Variants in KIF1B observed in about 807,000 individuals in gnomAD.
KIF1B encodes kinesin-like protein KIF1B.
Under a neutral mutation model 241.9 loss-of-function variants are expected in KIF1B, and 76 were observed. The ratio of observed to expected loss-of-function variants is 0.31; its 90% CI spans 0.26 to 0.38. KIF1B has a LOEUF of 0.38. Among genes scored for constraint, KIF1B ranks in the 10% least tolerant of loss-of-function variants. The pLI is 1.00. For missense variants in KIF1B, 1,622 were observed against 2,271.4 expected (o/e 0.71, Z 5.81); for synonymous variants, 750 against 796.7 (o/e 0.94, Z 0.99).
At chr1:10,270,768 C>CA (rs1218842795) in intron 7 of KIF1B, among the ~76,000 whole-genome samples, 2 of 151,028 alleles carry the variant, frequency 1.3e-5, no homozygotes, top group Admixed American at 6.6e-5. Context: ...ACTAAAAATA[C>CA]AAAAAAAATT....
intron 32 of KIF1B, among the ~76,000 whole-genome samples, chr1:10,341,604 A>C (rs764654127): frequency 1.3e-5 from 2 of 152,352 alleles, no homozygotes; most frequent in Non-Finnish European, 2.9e-5. Context: ...TAAAAACAAC[A>C]TAGGGGATCC....
rs764466176 is a variant in KIF1B at position 10,303,722 on chromosome 1, T to C, written c.2115+6476T>C. On this transcript the variant is annotated intron_variant, in intron 22 of 48. Transcript: ENST00000676179. This position sits in a 1 kb window ranked among gnomAD's most constrained non-coding sequence, Gnocchi z 5.2. ...AACATGAAAGACGAGGAGATAAAAG[T>C]CTTAAGAAATAAAATGCTCAAAATG... 27 of 1,613,956 alleles carry C rather than the reference T, an allele frequency of 1.7e-5. No individual in the cohort carries two copies. Among genetic ancestry groups the C allele is most frequent in the Non-Finnish European group, 2.2e-5 (26 of 1,180,000 alleles).
intron 1 of KIF1B, among the ~76,000 whole-genome samples, chr1:10,219,251 G>A (rs892479434): frequency 8.6e-5 from 13 of 150,640 alleles, no homozygotes; most frequent in African/African-American, 2.7e-4. Context: ...CACTGAGGTT[G>A]GGAGTTTGAG....
chr1:10,293,540 A>G (rs959283197), intron 17 of KIF1B, among the ~76,000 whole-genome samples: 1 of 151,864 alleles, frequency 6.6e-6, no homozygotes, highest in East Asian at 1.9e-4. Context: ...GACTGCAGGC[A>G]CATGCCACCA....
intron 5 of KIF1B, among the ~76,000 whole-genome samples, chr1:10,265,585 C>T (rs1188448601): frequency 6.6e-6 from 1 of 152,126 alleles, no homozygotes; most frequent in African/African-American, 2.4e-5. Flanking sequence ...TGGCTCACAC[C>T]TGTAATCCCT....
chr1:10,374,404 G>A lies in KIF1B; in HGVS notation c.5035G>A (p.Ala1679Thr), dbSNP rs771834495. 1 of 1,614,142 alleles carries A rather than the reference G, an allele frequency of 6.2e-7. No individual in the cohort carries two copies. The highest frequency in any genetic ancestry group is 8.5e-7 in the Non-Finnish European group (1 of 1,180,024). ...IVPAVETPYL[A>T]RAGKNEFLNL... ...CCCAGCTGTGGAAACACCATATTTG[G>A]CCCGAGCAGGAAAAAACGAATTTCT... The change falls in exon 46 of 49, where the codon GCC becomes ACC. Residue 1679 changes from alanine (A) to threonine (T), a missense_variant. Ala to Thr is a moderately conservative substitution (Grantham distance 58). Coordinates refer to ENST00000676179, the MANE Select transcript of KIF1B (RefSeq NM_001365951.3). The surrounding 1 kb of genome is among the most constrained non-coding windows in gnomAD (Gnocchi z 4.3).
intron 38 of KIF1B, among the ~76,000 whole-genome samples, chr1:10,354,825 G>A (rs543619309): frequency 7.9e-4 from 121 of 152,274 alleles, no homozygotes; most frequent in African/African-American, 2.7e-3. Flanking sequence ...GGAAAACATA[G>A]GTTAATATGG....
intron 2 of KIF1B, among the ~76,000 whole-genome samples, chr1:10,236,727 G>A (rs1006279038): frequency 4.0e-5 from 6 of 151,776 alleles, no homozygotes; most frequent in African/African-American, 1.5e-4. Context: ...GCCTTCTATG[G>A]CAATTTCTTA....
chr1:10,231,412 G>A (rs1032419287), intron 1 of KIF1B, among the ~76,000 whole-genome samples: 2 of 102,260 alleles, frequency 2.0e-5, no homozygotes, highest in African/African-American at 8.0e-5. Flanking sequence ...GTGAGATGGT[G>A]TCTTGCTTTG....
At chr1:10,236,307 A>ACAACC (rs1557655415) in intron 2 of KIF1B, among the ~76,000 whole-genome samples, 11 of 151,774 alleles carry the variant, frequency 7.2e-5, no homozygotes, top group Admixed American at 5.3e-4. Flanking sequence ...CAACAACAAA[A>ACAACC]ACCCATATAG....
At chr1:10,276,694 G>A (rs1649127443) in intron 12 of KIF1B, among the ~76,000 whole-genome samples, 1 of 152,144 alleles carries the variant, frequency 6.6e-6, no homozygotes, top group Non-Finnish European at 1.5e-5. Flanking sequence ...GCTCAAGTGA[G>A]ATTTTTGGGT....
chr1:10,331,781 C>T (rs1391474432), intron 27 of KIF1B, among the ~76,000 whole-genome samples: 1 of 152,178 alleles, frequency 6.6e-6, no homozygotes, highest in African/African-American at 2.4e-5. Context: ...AATGGGAAGA[C>T]TGGAATCATA....
At chr1:10,370,643 AAATAAT>A (rs200343928) in intron 44 of KIF1B, among the ~76,000 whole-genome samples, 51 of 147,964 alleles carry the variant, frequency 3.4e-4, no homozygotes, top group Admixed American at 1.0e-3. Context: ...TCGAGAAAGA[AAATAAT>A]AATAATAATA....
At chr1:10,372,704 A>G (rs1266576670) in intron 45 of KIF1B, among the ~76,000 whole-genome samples, 1 of 135,706 alleles carries the variant, frequency 7.4e-6, no homozygotes. Context: ...ATCTCGGCTC[A>G]CTGCAAGCTC....
At position 10,336,712 on chromosome 1, in the gene KIF1B, A is replaced by C; in HGVS notation, c.3099A>C (p.Lys1033Asn). The change falls in exon 29 of 49, where the codon AAA becomes AAC. Residue 1033 changes from lysine to asparagine, a missense_variant. Coordinates refer to ENST00000676179, the MANE Select transcript of KIF1B (RefSeq NM_001365951.3). ...GAATTCGACAGTCAGGAACAGCTAA[A>C]ATATCTTTTGATAATGAATACTTTA... is the stretch of plus-strand genomic sequence containing the variant. Reference protein sequence around the residue: ...GSGIRQSGTAKISFDNEYFNQ... With the variant: ...GSGIRQSGTANISFDNEYFNQ... 1 of 1,614,012 alleles carries C rather than the reference A, an allele frequency of 6.2e-7. No individual in the cohort carries two copies. The highest frequency in any genetic ancestry group is 1.3e-5 in the African/African-American group (1 of 75,030).
At chr1:10,323,384 G>A (rs778311135) in intron 24 of KIF1B, among the ~76,000 whole-genome samples, 3 of 152,108 alleles carry the variant, frequency 2.0e-5, no homozygotes, top group African/African-American at 7.2e-5. Context: ...GATCTGAGCC[G>A]CCGAGGTGGG....
rs367822978 is a variant in KIF1B, at chr1:10,300,237, A to AAATAATAATAATAATAATAATAATAAT, written c.2115+2996_2115+3022dup. ...GGGTGATAAAGCTAGACTCAGTGTC[A>AAATAATAATAATAATAATAATAATAAT]AATAATAATAATAATAATAATAATA... is the stretch of plus-strand genomic sequence containing the variant. On this transcript the variant is annotated intron_variant, in intron 22 of 48. Coordinates refer to ENST00000676179, the MANE Select transcript of KIF1B (RefSeq NM_001365951.3). Among the ~76,000 whole-genome samples the AAATAATAATAATAATAATAATAATAAT allele has an allele frequency of 6.3e-5, 9 of 143,914 alleles. 1 individual carries two copies. The highest frequency in any genetic ancestry group is 1.0e-4 in the African/African-American group (4 of 39,370). 94.4% of individuals were successfully genotyped at this position (143,914 alleles called of 152,430 possible).
rs1302905477 is a variant in KIF1B at position 10,336,674 on chromosome 1, G to A, written c.3061G>A (p.Asp1021Asn). 1.9e-6 allele frequency: 3 copies of A among 1,613,812 alleles called. No homozygotes were observed. The highest frequency in any genetic ancestry group is 2.5e-6 in the Non-Finnish European group (3 of 1,179,966). Residue 1021 changes from aspartate to asparagine, a missense_variant, in exon 29 of 49, where the codon GAT becomes AAT. By Grantham distance (23) the Asp-to-Asn change is conservative. Coordinates refer to ENST00000676179, the MANE Select transcript of KIF1B (RefSeq NM_001365951.3). ...TGCTTTAGCGGATGAAGAAGCTCCT[G>A]ATTATGGCTCTGGAATTCGACAGTC... ...QAIAADEEAP[D>N]YGSGIRQSGT...
rs541849299 is a variant in KIF1B, at chr1:10,322,995, G to A, written c.2359-889G>A. On this transcript the variant is annotated intron_variant, in intron 24 of 48. Coordinates refer to ENST00000676179, the MANE Select transcript of KIF1B (RefSeq NM_001365951.3). The stretch of plus-strand genomic sequence containing the variant: ...GTCGCCCAGGCTGGAGTACAGTGGC[G>A]CAATTATGGCTCACTACTGCCTCCA... Among the ~76,000 whole-genome samples, 135 of 152,162 alleles carry A rather than the reference G, an allele frequency of 8.9e-4. 1 individual carries two copies. The highest frequency in any genetic ancestry group is 3.0e-3 in the African/African-American group (126 of 41,512).
Sources: gnomAD v4.1 joint callset for allele counts (sites outside exome capture counted in the v4.1 genomes callset) on GRCh38, gnomAD v4.1.1 for gene constraint, Gnocchi (gnomAD v3.1) non-coding constraint, MANE v1.5 for transcripts, NCBI Gene and HGNC (gene_info 2026-07-23, HGNC 2026-07-21) for gene names.